The following PDE4D variants were observed in gnomAD, a reference collection of about 807,000 sequenced individuals.
The protein encoded by PDE4D is phosphodiesterase 4D.
In PDE4D, 24 loss-of-function variants were observed where a neutral mutation model predicts 87.4. That is an observed-to-expected ratio of 0.27 (90% CI 0.20 to 0.39). PDE4D has a LOEUF of 0.39. Among genes scored for constraint, PDE4D ranks in the 10% least tolerant of loss-of-function variants. The pLI, the probability that PDE4D is intolerant of heterozygous loss-of-function variation, is 1.00. For missense variants in PDE4D, 714 were observed against 1,041.0 expected (o/e 0.69, Z 4.32); for synonymous variants, 384 against 383.2 (o/e 1.00, Z -0.02).
chr5:60,303,549 C>T (rs1010924261), intron 1 of PDE4D, among the ~76,000 whole-genome samples: 4 of 151,982 alleles, frequency 2.6e-5, no homozygotes, highest in South Asian at 4.2e-4. Context: ...CCTCGTGATC[C>T]GCCCGTCTCG....
chr5:60,299,495 A>G (rs1753708207), intron 1 of PDE4D, among the ~76,000 whole-genome samples: 1 of 152,042 alleles, frequency 6.6e-6, no homozygotes, highest in African/African-American at 2.4e-5. Flanking sequence ...TCATCCCACC[A>G]CCTAGGTATT....
chr5:59,614,833 ATTT>A (rs769908305), intron 1 of PDE4D, among the ~76,000 whole-genome samples: 4 of 139,922 alleles, frequency 2.9e-5, no homozygotes, highest in Non-Finnish European at 4.7e-5. Flanking sequence ...TGTGGCTTTC[ATTT>A]TTTTTTTTTT....
In PDE4D at chr5:59,795,091, G is replaced by T. The variant is rs1011177306; in HGVS notation, c.455+98077C>A. On this transcript the variant is annotated intron_variant, in intron 1 of 14. Transcript: ENST00000340635. ...TGAAAACTAGATCAGCTAATGTAAG[G>T]CTTGGCCATGTATTTTCTCAAGAAT... Among the ~76,000 whole-genome samples, 3 of 152,176 alleles carry T rather than the reference G, an allele frequency of 2.0e-5. No homozygotes were observed. In the East Asian group the frequency reaches 5.8e-4, roughly 29 times the overall value.
At chr5:59,519,409 T>C (rs1405984591) in intron 1 of PDE4D, among the ~76,000 whole-genome samples, 1 of 152,108 alleles carries the variant, frequency 6.6e-6, no homozygotes, top group African/African-American at 2.4e-5. Context: ...TGAGCGATGA[T>C]CTGAAGGGCA....
At chr5:60,223,023 C>T (rs2149601717) in intron 1 of PDE4D, among the ~76,000 whole-genome samples, 1 of 152,120 alleles carries the variant, frequency 6.6e-6, no homozygotes, top group Admixed American at 6.5e-5. Flanking sequence ...TTTTCATTTC[C>T]TAAGCAAAAA....
At chr5:59,596,272 A>C (rs1826669069) in intron 1 of PDE4D, among the ~76,000 whole-genome samples, 1 of 151,026 alleles carries the variant, frequency 6.6e-6, no homozygotes, top group African/African-American at 2.4e-5. Context: ...ACAGACACAT[A>C]TATGAAACAT....
At chr5:59,673,786 C>A (rs1037205971) in intron 1 of PDE4D, among the ~76,000 whole-genome samples, 2 of 152,220 alleles carry the variant, frequency 1.3e-5, no homozygotes, top group African/African-American at 2.4e-5. Context: ...CTATATGCAC[C>A]ATCCTGCATG....
At chr5:59,529,786 C>T (rs1813851466) in intron 1 of PDE4D, among the ~76,000 whole-genome samples, 1 of 152,156 alleles carries the variant, frequency 6.6e-6, no homozygotes, top group Non-Finnish European at 1.5e-5. Flanking sequence ...CTGTAGGTAT[C>T]TCGTGAGCAC....
intron 1 of PDE4D, among the ~76,000 whole-genome samples, chr5:59,742,231 T>A (rs1758957489): frequency 1.3e-5 from 2 of 152,146 alleles, no homozygotes; most frequent in African/African-American, 4.8e-5. Flanking sequence ...ATTTGGTGAA[T>A]TTTTATACTT....
chr5:60,159,416 A>T (rs894939782), intron 2 of PDE4D, among the ~76,000 whole-genome samples: 2 of 152,366 alleles, frequency 1.3e-5, no homozygotes, highest in South Asian at 2.1e-4. Flanking sequence ...AGTACTTAAC[A>T]GTAACACTTA....
chr5:60,399,811 T>C (rs191354368), intron 1 of PDE4D, among the ~76,000 whole-genome samples: 46 of 152,380 alleles, frequency 3.0e-4, no homozygotes, highest in African/African-American at 1.1e-3. Flanking sequence ...AATTTGGCTC[T>C]GGCTTCCCTT....
intron 9 of PDE4D, 113 bp downstream of exon 9, chr5:58,990,691 T>A: frequency 3.2e-6 from 2 of 625,730 alleles, no homozygotes; most frequent in Admixed American, 2.9e-5. Context: ...GATAAAAGTA[T>A]AAAAATAAGC....
chr5:60,063,233 C>G (rs566583967), intron 2 of PDE4D, among the ~76,000 whole-genome samples: 35 of 151,862 alleles, frequency 2.3e-4, no homozygotes, highest in African/African-American at 8.4e-4. Flanking sequence ...AACCTCAATA[C>G]AGGAATATAT....
chr5:59,902,025 A>G (rs1752328179), intron 3 of PDE4D, among the ~76,000 whole-genome samples: 1 of 151,860 alleles, frequency 6.6e-6, no homozygotes, highest in Non-Finnish European at 1.5e-5. Flanking sequence ...ACTATAACAC[A>G]AGCTAGAAAC....
intron 1 of PDE4D, among the ~76,000 whole-genome samples, chr5:60,287,917 T>A (rs1436183072): frequency 6.6e-6 from 1 of 152,246 alleles, no homozygotes; most frequent in African/African-American, 2.4e-5. Context: ...ACATGCCATT[T>A]ATGATGCCTC....
chr5:60,211,578 A>G (rs1316831086), intron 1 of PDE4D, among the ~76,000 whole-genome samples: 1 of 149,552 alleles, frequency 6.7e-6, no homozygotes, highest in Non-Finnish European at 1.5e-5. Context: ...TACGCGTTTT[A>G]TTTGTATATT....
intron 1 of PDE4D, among the ~76,000 whole-genome samples, chr5:59,372,165 T>C (rs930313417): frequency 1.3e-5 from 2 of 152,210 alleles, no homozygotes; most frequent in Non-Finnish European, 2.9e-5. Flanking sequence ...AGCCAAGTCA[T>C]CCATTTCTCT....
At chr5:59,268,446 A>C (rs932974603) in intron 1 of PDE4D, among the ~76,000 whole-genome samples, 12 of 151,966 alleles carry the variant, frequency 7.9e-5, no homozygotes, top group Admixed American at 3.9e-4. Flanking sequence ...GTTATATTTA[A>C]CAGTGTCTCA....
At chr5:59,876,005 T>G (rs1027496106) in intron 1 of PDE4D, among the ~76,000 whole-genome samples, 1 of 152,040 alleles carries the variant, frequency 6.6e-6, no homozygotes, top group Non-Finnish European at 1.5e-5. Flanking sequence ...AAATAACTAA[T>G]AGATGCTAGG....
Sources: allele counts gnomAD v4.1 joint callset (sites outside exome capture counted in the v4.1 genomes callset), GRCh38; gene constraint gnomAD v4.1.1; transcripts MANE v1.5; gene names NCBI Gene and HGNC (gene_info 2026-07-23, HGNC 2026-07-21).